GSE1: variants seen among roughly 807,000 people sequenced by gnomAD.
GSE1 encodes the protein genetic suppressor element 1.
GSE1 carries 32 observed loss-of-function variants against 112.6 expected under a neutral mutation model. The observed-to-expected ratio is 0.28, with a 90% CI of 0.21 to 0.38. The LOEUF is 0.38. GSE1 is among the 10% of genes least tolerant of loss of function. GSE1 has a pLI of 1.00. For missense variants in GSE1, 2,348 were observed against 1,699.2 expected (o/e 1.38, Z -6.71); for synonymous variants, 1,115 against 735.6 (o/e 1.52, Z -8.35).
At chr16:85,606,097 T>G (rs1037125902) in intron 1 of GSE1, among the ~76,000 whole-genome samples, 9 of 152,196 alleles carry the variant, frequency 5.9e-5, no homozygotes, top group Non-Finnish European at 1.2e-4. Context: ...GCTCCTGCCC[T>G]TGAAGTCTGC....
intron 2 of GSE1, among the ~76,000 whole-genome samples, chr16:85,455,718 T>C (rs980418130): frequency 6.6e-6 from 1 of 152,234 alleles, no homozygotes. Context: ...TGGCCAAGAC[T>C]TCCCACATTG....
intron 2 of GSE1, among the ~76,000 whole-genome samples, chr16:85,508,115 A>G (rs1027238622): frequency 2.0e-5 from 3 of 152,070 alleles, no homozygotes; most frequent in Admixed American, 1.3e-4. Context: ...GCTCACTGCA[A>G]TGTCCGTCCT....
chr16:85,623,681 T>G lies in GSE1; in HGVS notation c.8-10233T>G, dbSNP rs576590074. On this transcript the variant is annotated intron_variant, in intron 1 of 15. Coordinates refer to ENST00000253458, the MANE Select transcript of GSE1 (RefSeq NM_014615.5). ...GCCTTCTGACTTAAAGGCGCCCATT[T>G]CTGCTGGTGTGGGCGTCCGCCCTGT... 2.1e-3 allele frequency among the ~76,000 whole-genome samples: 316 copies of G among 152,306 alleles called. 1 individual carries two copies. Among genetic ancestry groups the G allele is most frequent in the African/African-American group, 7.3e-3 (303 of 41,558 alleles).
At chr16:85,503,704 A>G (rs8061028) in intron 2 of GSE1, among the ~76,000 whole-genome samples, 52,119 of 152,020 alleles carry the variant, frequency 0.34, 10,487 homozygotes, top group African/African-American at 0.55. Context: ...CGAGGGAGAA[A>G]AAGGCAGTGT....
intron 2 of GSE1, among the ~76,000 whole-genome samples, chr16:85,638,936 G>C (rs186921345): frequency 2.8e-3 from 419 of 152,248 alleles, no homozygotes; most frequent in African/African-American, 9.7e-3. Flanking sequence ...GGTGCAGGCA[G>C]GGCCAAGTGG....
chr16:85,226,758 GGTGTGTGTGTGTGTGT>G (rs55999145), intron 1 of GSE1, among the ~76,000 whole-genome samples: 4,688 of 104,964 alleles, frequency 0.045, 130 homozygotes, highest in African/African-American at 0.059. Flanking sequence ...TGCCTGGACT[GGTGTGTGTGTGTGTGT>G]GTGTGTGTGT....
rs769943964 is a variant in GSE1, at chr16:85,672,524, G to A, written c.3639G>A (p.Lys1213=). ...PAMHWPRGYL[K]GYPR ...TGCACTGGCCTAGGGGCTACCTGAA[G>A]GGATATCCCAGGTGACGGTTTCCCT... The change falls in exon 16 of 16, where the codon AAG becomes AAA. Residue 1213 remains lysine (K), a synonymous_variant. Transcript: ENST00000253458. The A allele has an allele frequency of 6.2e-7, 1 of 1,606,264 alleles. No individual in the cohort carries two copies. Among genetic ancestry groups the A allele is most frequent in the Admixed American group, 1.7e-5 (1 of 59,706 alleles).
At chr16:85,304,600 G>GT (rs1567675753) in intron 1 of GSE1, among the ~76,000 whole-genome samples, 4 of 112,060 alleles carry the variant, frequency 3.6e-5, no homozygotes, top group African/African-American at 6.9e-5. Flanking sequence ...CAAGCCGGGG[G>GT]CGGGGGGGTG....
intron 14 of GSE1, chr16:85,670,782 A>G: frequency 2.8e-6 from 1 of 361,096 alleles, no homozygotes; most frequent in Admixed American, 4.7e-5. Context: ...CTTTGTCTTT[A>G]TTCCTGTGTA....
chr16:85,558,015 G>A (rs1054770899), intron 1 of GSE1, among the ~76,000 whole-genome samples: 12 of 151,874 alleles, frequency 7.9e-5, no homozygotes, highest in African/African-American at 2.7e-4. Context: ...CAAACAGCAA[G>A]CTTCGCTTTT....
At chr16:85,426,195 A>ATGGT (rs2048982543) in intron 2 of GSE1, among the ~76,000 whole-genome samples, 1 of 85,214 alleles carries the variant, frequency 1.2e-5, no homozygotes, top group African/African-American at 3.7e-5. Flanking sequence ...GGATAGATGG[A>ATGGT]TGGCTGGATG....
intron 1 of GSE1, among the ~76,000 whole-genome samples, chr16:85,288,078 A>G (rs4783158): frequency 0.25 from 37,753 of 152,066 alleles, 5,791 homozygotes; most frequent in Admixed American, 0.37. Flanking sequence ...TATCTCTACT[A>G]AAAATATAAA....
intron 2 of GSE1, among the ~76,000 whole-genome samples, chr16:85,422,093 A>T (rs1260489635): frequency 1.5e-4 from 23 of 152,156 alleles, no homozygotes; most frequent in Admixed American, 1.5e-3. Context: ...CCTCTGACCC[A>T]GGCAGGCCAT....
chr16:85,196,484 T>G (rs914413721), intron 1 of GSE1, among the ~76,000 whole-genome samples: 6 of 152,176 alleles, frequency 3.9e-5, no homozygotes, highest in African/African-American at 1.4e-4. Flanking sequence ...TGTGACTTTC[T>G]TAATTTGAGA....
intron 1 of GSE1, among the ~76,000 whole-genome samples, chr16:85,220,800 T>C (rs1226714824): frequency 6.6e-6 from 1 of 152,126 alleles, no homozygotes; most frequent in African/African-American, 2.4e-5. Context: ...TCTCCATCTC[T>C]CTCAGTATGT....
chr16:85,399,424 TAGAA>T (rs1223398446), intron 2 of GSE1, among the ~76,000 whole-genome samples: 1 of 152,010 alleles, frequency 6.6e-6, no homozygotes. Context: ...TTCCAAAAAG[TAGAA>T]AGAATAATAC....
At chr16:85,302,454 C>A (rs1395591782) in intron 1 of GSE1, among the ~76,000 whole-genome samples, 1 of 151,910 alleles carries the variant, frequency 6.6e-6, no homozygotes, top group East Asian at 1.9e-4. Flanking sequence ...CACCGCCCCC[C>A]CCCGCCCCCA....
intron 1 of GSE1, among the ~76,000 whole-genome samples, chr16:85,319,457 A>T (rs2046053328): frequency 6.6e-6 from 1 of 151,862 alleles, no homozygotes; most frequent in Non-Finnish European, 1.5e-5. Flanking sequence ...CCTCGTCCTC[A>T]CCCTTCCGTT....
chr16:85,547,125 T>C (rs1435239710), intron 2 of GSE1, among the ~76,000 whole-genome samples: 2 of 152,228 alleles, frequency 1.3e-5, no homozygotes, highest in Non-Finnish European at 2.9e-5. Flanking sequence ...ACCTGAAGGA[T>C]GGCTTGACCC....
Sources: gnomAD v4.1 joint callset for allele counts (sites outside exome capture counted in the v4.1 genomes callset) on GRCh38, gnomAD v4.1.1 for gene constraint, MANE v1.5 for transcripts, NCBI Gene and HGNC (gene_info 2026-07-23, HGNC 2026-07-21) for gene names.